Variants in TBXAS1 observed in about 807,000 individuals in gnomAD.
TBXAS1 encodes the protein thromboxane A synthase 1, also known as thromboxane-A synthase.
A neutral mutation model predicts 60.7 loss-of-function variants in TBXAS1; 48 were observed. The observed-to-expected ratio is 0.79, with a 90% CI of 0.63 to 1.01. The LOEUF (loss-of-function observed/expected upper bound fraction) is 1.01. Ranked by LOEUF, TBXAS1 falls within the 50% of genes least tolerant of loss-of-function variation. The pLI is 0.00. For missense variants in TBXAS1, 685 were observed against 686.3 expected, an observed-to-expected ratio of 1.00 and a Z score of 0.02; for synonymous variants, 287 against 269.7, an observed-to-expected ratio of 1.06 and a Z score of -0.63.
intron 4 of TBXAS1, among the ~76,000 whole-genome samples, chr7:139,812,885 G>A (rs997474643): frequency 6.6e-6 from 1 of 151,714 alleles, no homozygotes; most frequent in Admixed American, 6.6e-5. Context: ...GGCAAAACCC[G>A]GTCTCTACTA....
At chr7:139,993,064 G>A (rs1212601500) in intron 9 of TBXAS1, among the ~76,000 whole-genome samples, 1 of 152,188 alleles carries the variant, frequency 6.6e-6, no homozygotes, top group Admixed American at 6.5e-5. Flanking sequence ...GGGCATGGTA[G>A]CGCACACCTG....
intron 1 of TBXAS1, among the ~76,000 whole-genome samples, chr7:139,856,736 C>CA (rs1409761126): frequency 1.3e-5 from 2 of 152,116 alleles, no homozygotes; most frequent in African/African-American, 4.8e-5. Context: ...CCTCTGACTT[C>CA]AAAAAGTGAA....
At chr7:139,890,724 T>C (rs961608624) in intron 3 of TBXAS1, among the ~76,000 whole-genome samples, 2 of 152,198 alleles carry the variant, frequency 1.3e-5, no homozygotes, top group Non-Finnish European at 2.9e-5. Context: ...TAATTACTAA[T>C]TACCTCCATT....
chr7:139,799,785 C>T (rs117392378), intron 4 of TBXAS1, among the ~76,000 whole-genome samples: 1 of 152,186 alleles, frequency 6.6e-6, no homozygotes, highest in Non-Finnish European at 1.5e-5. Flanking sequence ...AGCCAGCACA[C>T]ATGTTGTAGA....
chr7:139,902,656 T>C (rs959178765), intron 3 of TBXAS1, among the ~76,000 whole-genome samples: 2 of 152,182 alleles, frequency 1.3e-5, no homozygotes, highest in African/African-American at 4.8e-5. Flanking sequence ...GGTCATAGCA[T>C]AAGTATGTGG....
At chr7:140,005,860 C>T (rs1234570413) in intron 9 of TBXAS1, among the ~76,000 whole-genome samples, 1 of 152,214 alleles carries the variant, frequency 6.6e-6, no homozygotes, top group Non-Finnish European at 1.5e-5. Flanking sequence ...CTGGCCCCTG[C>T]CCTTCCACCC....
chr7:139,828,240 T>C (rs536493406), upstream of TBXAS1, among the ~76,000 whole-genome samples: 17 of 152,354 alleles, frequency 1.1e-4, no homozygotes, highest in South Asian at 3.3e-3. Context: ...CTTTGAGCTC[T>C]GATTTTCTTT....
intron 9 of TBXAS1, among the ~76,000 whole-genome samples, chr7:139,970,487 T>C (rs575298733): frequency 6.6e-6 from 1 of 152,358 alleles, no homozygotes; most frequent in Non-Finnish European, 1.5e-5. Flanking sequence ...AGGAGCCAGG[T>C]TCTGAACCAT....
rs192879583 is a variant in TBXAS1 at position 139,983,949 on chromosome 7, C to A, written c.1134+21716C>A. Among the ~76,000 whole-genome samples, 13 of 152,334 alleles carry A rather than the reference C, an allele frequency of 8.5e-5. No homozygotes were observed. In the East Asian group the frequency reaches 2.3e-3, roughly 27 times the overall value. ...GCCAGTGGAGAAAGTCTCCTCCAAC[C>A]CTCAGGCTCAGCACCACTCAGGGCC... On this transcript the variant is annotated intron_variant, in intron 9 of 12. Transcript: ENST00000448866.
intron 4 of TBXAS1, among the ~76,000 whole-genome samples, chr7:139,798,585 T>C (rs914364343): frequency 1.3e-5 from 2 of 152,192 alleles, no homozygotes; most frequent in African/African-American, 2.4e-5. Flanking sequence ...GAGATCAGCA[T>C]CTTTGTCTGT....
intron 11 of TBXAS1, among the ~76,000 whole-genome samples, chr7:140,016,987 G>C (rs1432507695): frequency 1.3e-5 from 2 of 152,258 alleles, no homozygotes; most frequent in African/African-American, 4.8e-5. Context: ...CGCTGTTACA[G>C]AACAGTGAGT....
intron 3 of TBXAS1, among the ~76,000 whole-genome samples, chr7:139,903,383 G>A (rs189703798): frequency 1.3e-5 from 2 of 152,150 alleles, no homozygotes; most frequent in South Asian, 2.1e-4. Flanking sequence ...TTTTGCAATC[G>A]TGAGTTGTGC....
intron 4 of TBXAS1, among the ~76,000 whole-genome samples, chr7:139,924,239 T>C (rs759040527): frequency 1.4e-4 from 22 of 152,200 alleles, no homozygotes; most frequent in Non-Finnish European, 2.9e-4. Context: ...CTGTTCTCCA[T>C]AGTGATTGTC....
At chr7:139,905,166 G>C (rs774069869) in intron 3 of TBXAS1, among the ~76,000 whole-genome samples, 6 of 151,588 alleles carry the variant, frequency 4.0e-5, no homozygotes, top group South Asian at 2.1e-4. Context: ...AAGAGGAGTG[G>C]TGGGAGTGGG....
At chr7:139,938,865 C>T (rs1584901136) in intron 5 of TBXAS1, among the ~76,000 whole-genome samples, 1 of 152,294 alleles carries the variant, frequency 6.6e-6, no homozygotes, top group African/African-American at 2.4e-5. Flanking sequence ...CAGTCCTGGG[C>T]TATGATTCTT....
intron 4 of TBXAS1, among the ~76,000 whole-genome samples, chr7:139,806,437 A>G (rs1797880571): frequency 6.7e-6 from 1 of 149,980 alleles, no homozygotes; most frequent in Non-Finnish European, 1.5e-5. Flanking sequence ...TAATTTTTGT[A>G]TTTTTAGTAG....
In TBXAS1 at chr7:139,951,888, A is replaced by AG. The variant is rs1569518340; in HGVS notation, c.451-1480_451-1479insG. ...GAAGGAAGGAAGGAAGGAAAGAAGGAAGGAAGGAAGGAAAGAAAGAGAAAG... is the reference window on the plus strand; with the variant it reads ...GAAGGAAGGAAGGAAGGAAAGAAGGAGAGGAAGGAAGGAAAGAAAGAGAAAG... On this transcript the variant is annotated intron_variant, in intron 5 of 12. Coordinates refer to ENST00000448866, the MANE Select transcript of TBXAS1 (RefSeq NM_001061.7). 9.4e-5 allele frequency among the ~76,000 whole-genome samples: 3 copies of AG among 32,062 alleles called. 1 individual carries two copies. The highest frequency in any genetic ancestry group is 4.5e-4 in the African/African-American group (3 of 6,730). 21.0% of individuals were successfully genotyped at this position (32,062 alleles called of 152,430 possible).
intron 1 of TBXAS1, among the ~76,000 whole-genome samples, chr7:139,870,903 T>C (rs1009654498): frequency 2.0e-5 from 3 of 152,198 alleles, no homozygotes; most frequent in East Asian, 1.9e-4. Flanking sequence ...ACCTGGACAA[T>C]ATAGGGAGAC....
At chr7:139,792,278 A>C (rs1201242938) in intron 4 of TBXAS1, among the ~76,000 whole-genome samples, 2 of 152,208 alleles carry the variant, frequency 1.3e-5, no homozygotes, top group Admixed American at 1.3e-4. Flanking sequence ...ACTCTTGAGT[A>C]AACTGGTAAA....
Sources: gnomAD v4.1 joint callset for allele counts (sites outside exome capture counted in the v4.1 genomes callset) on GRCh38, gnomAD v4.1.1 for gene constraint, MANE v1.5 for transcripts, NCBI Gene and HGNC (gene_info 2026-07-23, HGNC 2026-07-21) for gene names.